SCHIP1: variants seen among roughly 807,000 people sequenced by gnomAD.
SCHIP1 encodes the protein schwannomin interacting protein 1.
A neutral mutation model predicts 29.7 loss-of-function variants in SCHIP1; 8 were observed. The ratio of observed to expected loss-of-function variants is 0.27; its 90% CI spans 0.16 to 0.49. SCHIP1 has a LOEUF of 0.49. Ranked by LOEUF, SCHIP1 falls within the 20% of genes least tolerant of loss-of-function variation. The pLI is 0.99. For missense variants in SCHIP1, 193 were observed against 294.6 expected (o/e 0.66, Z 2.52); for synonymous variants, 76 against 94.9 (o/e 0.80, Z 1.16).
At position 159,843,846 on chromosome 3, in the gene SCHIP1, A is replaced by AAAAAAAG. The variant is rs150055870; in HGVS notation, c.30+3632_30+3633insAAAAAAG. Among the ~76,000 whole-genome samples, 89 of 140,046 alleles carry AAAAAAAG rather than the reference A, an allele frequency of 6.4e-4. 1 individual carries two copies. Among genetic ancestry groups the AAAAAAAG allele is most frequent in the Middle Eastern group, 4.0e-3 (1 of 248 alleles). 91.9% of individuals were successfully genotyped at this position (140,046 alleles called of 152,430 possible). A position where few individuals can be genotyped will look rare whatever the true frequency, so the allele number is the denominator to read the frequency against. ...TCAAAAAAAAAAAAAAAAAAAAAAAAGCATTGTAAACATTCTATGGCATTT... is the reference window on the plus strand; with the variant it reads ...TCAAAAAAAAAAAAAAAAAAAAAAAAAAAAAAGGCATTGTAAACATTCTATGGCATTT... On this transcript the variant is annotated intron_variant, in intron 1 of 6. Coordinates refer to ENST00000445224, the Ensembl canonical transcript of SCHIP1.
chr3:159,712,595 G>T, the SCHIP1 span, among the ~76,000 whole-genome samples: 2 of 151,182 alleles, frequency 1.3e-5, no homozygotes, highest in South Asian at 4.2e-4. Context: ...GCACATCTGT[G>T]GTCCCAGCTA....
the SCHIP1 span, among the ~76,000 whole-genome samples, chr3:159,501,796 TTA>T: frequency 1.3e-5 from 2 of 152,224 alleles, no homozygotes; most frequent in Non-Finnish European, 2.9e-5. Context: ...GACTAGTACT[TTA>T]TGTTATTTAA....
At chr3:159,637,682 A>G in the SCHIP1 span, among the ~76,000 whole-genome samples, 1 of 152,186 alleles carries the variant, frequency 6.6e-6, no homozygotes, top group Non-Finnish European at 1.5e-5. Flanking sequence ...CTTCTAGAAA[A>G]GTCATACAGA....
chr3:159,745,698 C>G, the SCHIP1 span, among the ~76,000 whole-genome samples: 1 of 152,142 alleles, frequency 6.6e-6, no homozygotes, highest in African/African-American at 2.4e-5. Context: ...TGTATCTAAC[C>G]TTATTAGTTT....
At chr3:159,608,812 A>T in the SCHIP1 span, among the ~76,000 whole-genome samples, 2 of 152,166 alleles carry the variant, frequency 1.3e-5, no homozygotes, top group African/African-American at 4.8e-5. Context: ...GATCTGTGAG[A>T]AAAAGATAGC....
the SCHIP1 span, among the ~76,000 whole-genome samples, chr3:159,820,171 T>A: frequency 2.6e-5 from 4 of 152,244 alleles, no homozygotes; most frequent in East Asian, 7.7e-4. Flanking sequence ...AAACTCCTGA[T>A]GAACATTCTG....
chr3:159,785,851 A>G, the SCHIP1 span, among the ~76,000 whole-genome samples: 1 of 152,248 alleles, frequency 6.6e-6, no homozygotes, highest in South Asian at 2.1e-4. Flanking sequence ...GGGGCAGCTT[A>G]TACTTTCATA....
At chr3:159,300,176 C>T in the SCHIP1 span, among the ~76,000 whole-genome samples, 27 of 130,042 alleles carry the variant, frequency 2.1e-4, no homozygotes, top group Non-Finnish European at 3.4e-4. Flanking sequence ...GGCTGGAGTG[C>T]GAATGGCATA....
chr3:159,678,230 T>C, the SCHIP1 span, among the ~76,000 whole-genome samples: 1 of 152,258 alleles, frequency 6.6e-6, no homozygotes, highest in Non-Finnish European at 1.5e-5. Context: ...GTCCTATTTT[T>C]CACTTTCTCT....
the SCHIP1 span, among the ~76,000 whole-genome samples, chr3:159,383,790 G>GTAGTT: frequency 9.3e-5 from 14 of 151,152 alleles, no homozygotes; most frequent in Admixed American, 4.7e-4. Context: ...TCATTGAGCA[G>GTAGTT]TAGTTTGTAG....
chr3:159,662,162 C>T, the SCHIP1 span, among the ~76,000 whole-genome samples: 2 of 152,076 alleles, frequency 1.3e-5, no homozygotes, highest in East Asian at 1.9e-4. Context: ...CTCATACCCC[C>T]GGCACTCTTT....
the SCHIP1 span, among the ~76,000 whole-genome samples, chr3:159,569,757 A>C: frequency 6.6e-6 from 1 of 152,148 alleles, no homozygotes; most frequent in African/African-American, 2.4e-5. Flanking sequence ...GTCTTCCACA[A>C]TGGTTGAACG....
chr3:159,484,013 A>G, the SCHIP1 span, among the ~76,000 whole-genome samples: 1 of 152,224 alleles, frequency 6.6e-6, no homozygotes. Context: ...TAAATTTAAA[A>G]GAGGTATTTA....
At chr3:159,527,425 C>T in the SCHIP1 span, among the ~76,000 whole-genome samples, 2 of 152,196 alleles carry the variant, frequency 1.3e-5, no homozygotes, top group South Asian at 2.1e-4. Flanking sequence ...TGAAAGGATT[C>T]CTTCAGCAGA....
At chr3:159,276,009 A>G in the SCHIP1 span, among the ~76,000 whole-genome samples, 1 of 152,202 alleles carries the variant, frequency 6.6e-6, no homozygotes, top group Non-Finnish European at 1.5e-5. Flanking sequence ...ATGTAGGGGC[A>G]TATTTATTTA....
the SCHIP1 span, among the ~76,000 whole-genome samples, chr3:159,628,427 GAGA>G: frequency 2.1e-3 from 316 of 152,254 alleles, 2 homozygotes; most frequent in African/African-American, 7.3e-3. Context: ...CTAGGACCAA[GAGA>G]AGAAGAAAAA....
At chr3:159,837,965 T>C (rs924340853), upstream of SCHIP1, among the ~76,000 whole-genome samples, 78 of 152,308 alleles carry the variant, frequency 5.1e-4, no homozygotes, top group African/African-American at 1.5e-3. Flanking sequence ...GTCCTGCACG[T>C]GTTATGTGAC....
At chr3:159,554,852 C>T in the SCHIP1 span, among the ~76,000 whole-genome samples, 1 of 151,994 alleles carries the variant, frequency 6.6e-6, no homozygotes, top group Non-Finnish European at 1.5e-5. Context: ...TCCCAAGTTG[C>T]TGTGGCAAAT....
the SCHIP1 span, among the ~76,000 whole-genome samples, chr3:159,346,954 A>T: frequency 6.6e-6 from 1 of 152,178 alleles, no homozygotes; most frequent in Non-Finnish European, 1.5e-5. Context: ...CCAGACAAGG[A>T]TCCACTCATA....
Sources: allele counts gnomAD v4.1 joint callset (sites outside exome capture counted in the v4.1 genomes callset), GRCh38; gene constraint gnomAD v4.1.1; transcripts MANE v1.5; gene names NCBI Gene and HGNC (gene_info 2026-07-23, HGNC 2026-07-21).